Variants in FAF1 observed in about 807,000 individuals in gnomAD.
FAF1 encodes FAS-associated factor 1.
In FAF1, 25 loss-of-function variants were observed where a neutral mutation model predicts 92.5. The ratio of observed to expected loss-of-function variants is 0.27; its 90% CI spans 0.20 to 0.38. The LOEUF is 0.38. FAF1 is among the 10% of genes least tolerant of loss of function. The pLI is 1.00. For synonymous variants in FAF1, 234 were observed against 273.2 expected, an observed-to-expected ratio of 0.86 and a Z score of 1.42; for missense variants, 636 against 793.3, an observed-to-expected ratio of 0.80 and a Z score of 2.38.
chr1:50,930,721 G>A (rs1180670424), intron 1 of FAF1, among the ~76,000 whole-genome samples: 1 of 152,070 alleles, frequency 6.6e-6, no homozygotes, highest in African/African-American at 2.4e-5. Context: ...TGTAGTCCCA[G>A]CTACTCGGGA....
At chr1:50,670,385 G>T (rs1478463381) in intron 7 of FAF1, among the ~76,000 whole-genome samples, 8 of 151,884 alleles carry the variant, frequency 5.3e-5, no homozygotes, top group African/African-American at 1.9e-4. Context: ...ACGGCGCCTG[G>T]CCAGCAATTT....
chr1:50,448,421 A>G (rs1646254322), intron 18 of FAF1, among the ~76,000 whole-genome samples: 1 of 152,280 alleles, frequency 6.6e-6, no homozygotes, highest in Non-Finnish European at 1.5e-5. Flanking sequence ...TATAAAACTT[A>G]TAACTCTTGT....
intron 4 of FAF1, among the ~76,000 whole-genome samples, chr1:50,753,978 G>A (rs892855837): frequency 2.0e-5 from 3 of 151,816 alleles, no homozygotes; most frequent in East Asian, 1.9e-4. Context: ...GGCTGGTCTC[G>A]ATCTCCTGAT....
chr1:50,904,509 T>C (rs373032940), intron 1 of FAF1, among the ~76,000 whole-genome samples: 3 of 152,376 alleles, frequency 2.0e-5, no homozygotes, highest in Non-Finnish European at 1.5e-5. Context: ...ATTAAAATGA[T>C]AGATTTTATG....
In FAF1 at chr1:50,437,097, G is replaced by C. The variant is rs1646135144; in HGVS notation, c.*4343C>G. Reference sequence around the variant, plus strand: ...TTTCAAAATGCAACAGTGAGGAGCTGTGTGGCCAGTTGGGGTTAAGTGTCA... The same window carrying C: ...TTTCAAAATGCAACAGTGAGGAGCTCTGTGGCCAGTTGGGGTTAAGTGTCA... On this transcript the variant is annotated 3_prime_UTR_variant, in exon 19 of 19. Transcript: ENST00000396153. 6.6e-6 allele frequency: 1 copy of C among 152,228 alleles called. No individual in the cohort carries two copies. Among genetic ancestry groups the C allele is most frequent in the Non-Finnish European group, 1.5e-5 (1 of 68,048 alleles). The allele number at this position is 152,228 out of a possible 1,614,324, so 9.4% of individuals were successfully genotyped here. A position where few individuals can be genotyped will look rare whatever the true frequency, so the allele number is the denominator to read the frequency against.
Position 50,738,948 on chromosome 1 carries a change from G to C in FAF1, c.466C>G (p.Leu156Val). Residue 156 changes from leucine to valine, a missense_variant, in exon 6 of 19, where the codon CTA becomes GTA. Leu to Val is a conservative substitution (Grantham distance 32). This residue lies in a region of FAF1 where 317 missense variants were observed against 342.4 expected (regional missense o/e 0.93). Transcript: ENST00000396153. ...KTGDVEDSTV[L>V]KSLHLPKNNS... ...TTTTTTGGCAAGTGTAGAGATTTTA[G>C]GACCGTCTGAAAAAGAAAAAACACA... is the stretch of plus-strand genomic sequence containing the variant. 6.3e-7 allele frequency: 1 copy of C among 1,589,360 alleles called. No individual in the cohort carries two copies. The highest frequency in any genetic ancestry group is 8.6e-7 in the Non-Finnish European group (1 of 1,166,352).
chr1:50,694,875 C>T (rs1657119846), intron 7 of FAF1, among the ~76,000 whole-genome samples: 2 of 150,212 alleles, frequency 1.3e-5, no homozygotes, highest in South Asian at 4.2e-4. Flanking sequence ...AGGTGGAGAA[C>T]TGCTTGAACC....
At chr1:50,747,835 C>T (rs1289404771) in intron 4 of FAF1, among the ~76,000 whole-genome samples, 1 of 152,096 alleles carries the variant, frequency 6.6e-6, no homozygotes, top group Non-Finnish European at 1.5e-5. Context: ...ATACAGTTCT[C>T]GTGAGATCTG....
intron 1 of FAF1, among the ~76,000 whole-genome samples, chr1:50,908,161 T>C (rs1452977379): frequency 9.9e-5 from 15 of 152,234 alleles, no homozygotes; most frequent in African/African-American, 2.4e-5. Flanking sequence ...GGTTGTTCAG[T>C]TTCCATGTAG....
chr1:50,723,466 C>G (rs954595870), intron 6 of FAF1, among the ~76,000 whole-genome samples: 1 of 151,840 alleles, frequency 6.6e-6, no homozygotes, highest in Non-Finnish European at 1.5e-5. Flanking sequence ...CTTCTAATAA[C>G]TAAGTCTCAC....
At chr1:50,639,024 G>C (rs142724402) in intron 8 of FAF1, among the ~76,000 whole-genome samples, 12 of 152,270 alleles carry the variant, frequency 7.9e-5, no homozygotes, top group African/African-American at 9.6e-5. Context: ...CTGGATTTCT[G>C]TAAGTTATAG....
chr1:50,604,898 T>C (rs1430275335), intron 8 of FAF1, among the ~76,000 whole-genome samples: 2 of 152,202 alleles, frequency 1.3e-5, no homozygotes, highest in African/African-American at 2.4e-5. Flanking sequence ...TTATCTCATA[T>C]TTTCTTTTTA....
At chr1:50,959,258 T>C (rs1304913639) in intron 1 of FAF1, among the ~76,000 whole-genome samples, 1 of 152,222 alleles carries the variant, frequency 6.6e-6, no homozygotes, top group Non-Finnish European at 1.5e-5. Context: ...AAGTCTCAAA[T>C]GTTTACTCCT....
At chr1:50,608,379 G>A (rs538917666) in intron 8 of FAF1, among the ~76,000 whole-genome samples, 1 of 152,254 alleles carries the variant, frequency 6.6e-6, no homozygotes, top group South Asian at 2.1e-4. Flanking sequence ...AATAGACAAA[G>A]GTTTTACATG....
chr1:50,889,606 C>G (rs1375977274), intron 1 of FAF1, among the ~76,000 whole-genome samples: 2 of 152,122 alleles, frequency 1.3e-5, no homozygotes, highest in African/African-American at 4.8e-5. Flanking sequence ...TTATTTCTGC[C>G]TTCATTTCGT....
At chr1:50,466,848 T>C (rs748387887) in intron 18 of FAF1, among the ~76,000 whole-genome samples, 4 of 152,218 alleles carry the variant, frequency 2.6e-5, no homozygotes, top group African/African-American at 9.6e-5. Flanking sequence ...CTCTACCATA[T>C]AGACATGGCT....
chr1:50,876,527 C>A (rs141063867), intron 1 of FAF1, among the ~76,000 whole-genome samples: 1 of 152,130 alleles, frequency 6.6e-6, no homozygotes, highest in Non-Finnish European at 1.5e-5. Context: ...CAAACGAATA[C>A]GTCAAAGGGA....
chr1:50,734,205 C>G (rs1385717808), intron 6 of FAF1, among the ~76,000 whole-genome samples: 1 of 152,182 alleles, frequency 6.6e-6, no homozygotes, highest in Non-Finnish European at 1.5e-5. Context: ...TGACTTCTCC[C>G]TCAACTTCTC....
At position 50,637,520 on chromosome 1, in the gene FAF1, T is replaced by C. The variant is rs182055476; in HGVS notation, c.744+17922A>G. On this transcript the variant is annotated intron_variant, in intron 8 of 18. Coordinates refer to ENST00000396153, the MANE Select transcript of FAF1 (RefSeq NM_007051.3). ...GAACACTAGCTCTTTCACATTTCCA[T>C]ACAATTTTTGGAATTAATTTGCCAA... is the stretch of plus-strand genomic sequence containing the variant. Among the ~76,000 whole-genome samples, 76 of 151,838 alleles carry C rather than the reference T, an allele frequency of 5.0e-4. 3 individuals carry two copies. The East Asian group carries it at 9.2e-3, about 18-fold the overall frequency.
Sources: allele counts gnomAD v4.1 joint callset (sites outside exome capture counted in the v4.1 genomes callset), GRCh38; gene constraint gnomAD v4.1.1; regional missense constraint gnomAD v4.1.1; transcripts MANE v1.5; gene names NCBI Gene and HGNC (gene_info 2026-07-23, HGNC 2026-07-21).